NR5A2: variants seen among roughly 807,000 people sequenced by gnomAD.
The protein encoded by NR5A2 is CYP7A promoter-binding factor.
NR5A2 carries 26 observed loss-of-function variants against 62.7 expected under a neutral mutation model. The ratio of observed to expected loss-of-function variants is 0.41; its 90% confidence interval spans 0.30 to 0.58. The LOEUF (loss-of-function observed/expected upper bound fraction) is 0.58. Among genes scored for constraint, NR5A2 ranks in the 20% least tolerant of loss-of-function variants. NR5A2 has a pLI of 0.22. For missense variants in NR5A2, 541 were observed against 669.1 expected, an observed-to-expected ratio of 0.81 and a Z score of 2.11; for synonymous variants, 246 against 241.7, an observed-to-expected ratio of 1.02 and a Z score of -0.16.
chr1:200,072,069 A>C (rs912891538), intron 5 of NR5A2, among the ~76,000 whole-genome samples: 1 of 152,190 alleles, frequency 6.6e-6, no homozygotes, highest in Non-Finnish European at 1.5e-5. Context: ...TTCACAAGGA[A>C]TTGCTTATAA....
chr1:200,051,180 C>T lies in NR5A2; in HGVS notation c.1110+2362C>T, dbSNP rs1055526342. On this transcript the variant is annotated intron_variant, in intron 5 of 7. Coordinates refer to ENST00000367362, the MANE Select transcript of NR5A2 (RefSeq NM_205860.3). The stretch of plus-strand genomic sequence containing the variant: ...TTTCCTCTCAGAGTTTATAATAAGA[C>T]AGTTTCATAAATAATTATTTTAAAA... Among the ~76,000 whole-genome samples, 3 of 152,068 alleles carry T rather than the reference C, an allele frequency of 2.0e-5. No individual in the cohort carries two copies. In the East Asian group the frequency reaches 5.8e-4, roughly 29 times the overall value.
rs115282079 is a variant in NR5A2 at position 200,074,275 on chromosome 1, G to T, written c.1110+25457G>T. On this transcript the variant is annotated intron_variant, in intron 5 of 7. Transcript: ENST00000367362. ...GAGTGCAGTTATTTGAGAACTGATT[G>T]TAAGACTGTAGTTAAAAGTGGGAGA... 3.2e-3 allele frequency among the ~76,000 whole-genome samples: 493 copies of T among 151,984 alleles called. 2 individuals are homozygous for T. The highest frequency in any genetic ancestry group is 5.4e-3 in the Non-Finnish European group (368 of 67,956).
intron 6 of NR5A2, among the ~76,000 whole-genome samples, chr1:200,116,117 A>G (rs1393334194): frequency 6.6e-6 from 1 of 152,222 alleles, no homozygotes; most frequent in Non-Finnish European, 1.5e-5. Context: ...GGAATATTAA[A>G]TATGCCTCAG....
chr1:200,107,443 T>A (rs1665735740), intron 5 of NR5A2, among the ~76,000 whole-genome samples: 1 of 152,150 alleles, frequency 6.6e-6, no homozygotes, highest in Non-Finnish European at 1.5e-5. Context: ...GGAGATGCCG[T>A]GTTAGACACA....
chr1:200,052,861 T>A (rs10919801), intron 5 of NR5A2, among the ~76,000 whole-genome samples: 1 of 151,632 alleles, frequency 6.6e-6, no homozygotes, highest in Non-Finnish European at 1.5e-5. Context: ...AGGATGGTCT[T>A]GATCTCCTGA....
In NR5A2 at chr1:200,165,246, C is replaced by T. The variant is rs544144994; in HGVS notation, c.1379-8717C>T. ...GAGACTCCCCACATAACCCCTGCCC[C>T]GCTACTGTCAGCATTCCCCTACCAG... On this transcript the variant is annotated intron_variant, in intron 7 of 7. Coordinates refer to ENST00000367362, the MANE Select transcript of NR5A2 (RefSeq NM_205860.3). 6.6e-5 allele frequency among the ~76,000 whole-genome samples: 10 copies of T among 152,240 alleles called. No individual in the cohort carries two copies. The East Asian group carries it at 1.4e-3, about 21-fold the overall frequency.
chr1:200,034,209 A>G (rs964276676), intron 1 of NR5A2, among the ~76,000 whole-genome samples: 1 of 152,170 alleles, frequency 6.6e-6, no homozygotes, highest in Non-Finnish European at 1.5e-5. Flanking sequence ...GTGGCCTACT[A>G]GCGCCGGGAT....
intron 5 of NR5A2, among the ~76,000 whole-genome samples, chr1:200,074,882 T>C (rs1292090735): frequency 1.3e-5 from 2 of 151,542 alleles, no homozygotes; most frequent in South Asian, 2.1e-4. Flanking sequence ...ATAGACTGAA[T>C]GATTATTTTT....
intron 6 of NR5A2, among the ~76,000 whole-genome samples, chr1:200,113,160 C>T (rs1666040328): frequency 6.6e-6 from 1 of 152,184 alleles, no homozygotes; most frequent in Non-Finnish European, 1.5e-5. Flanking sequence ...GAATGAGGAA[C>T]TCCATGGTGG....
intron 5 of NR5A2, among the ~76,000 whole-genome samples, chr1:200,056,638 G>A (rs1662928077): frequency 6.6e-6 from 1 of 152,100 alleles, no homozygotes; most frequent in South Asian, 2.1e-4. Context: ...GAAACTTATG[G>A]TTTCAGCGTA....
At chr1:200,088,643 G>A (rs1479322394) in intron 5 of NR5A2, among the ~76,000 whole-genome samples, 1 of 152,124 alleles carries the variant, frequency 6.6e-6, no homozygotes, top group Non-Finnish European at 1.5e-5. Flanking sequence ...CCTGAAAATA[G>A]AACACCACAT....
At chr1:200,073,235 C>CATACATATATAT (rs1415530180) in intron 5 of NR5A2, among the ~76,000 whole-genome samples, 2 of 105,952 alleles carry the variant, frequency 1.9e-5, no homozygotes, top group African/African-American at 3.8e-5. Flanking sequence ...CATTTACATA[C>CATACATATATAT]ATATATATAT....
At chr1:200,159,639 AT>A (rs1653546300) in intron 7 of NR5A2, among the ~76,000 whole-genome samples, 2 of 131,756 alleles carry the variant, frequency 1.5e-5, no homozygotes, top group South Asian at 4.7e-4. Context: ...TTTTTAAATT[AT>A]TTATTATTAT....
chr1:200,083,623 G>GTA (rs998931290), intron 5 of NR5A2, among the ~76,000 whole-genome samples: 17 of 150,744 alleles, frequency 1.1e-4, no homozygotes, highest in African/African-American at 3.2e-4. Context: ...CACAGTTGAA[G>GTA]TATATATATA....
intron 5 of NR5A2, among the ~76,000 whole-genome samples, chr1:200,050,954 C>T (rs1662601314): frequency 6.6e-6 from 1 of 152,052 alleles, no homozygotes; most frequent in Admixed American, 6.6e-5. Flanking sequence ...TGTGCAGAAT[C>T]TACATAATTT....
chr1:200,080,590 G>A (rs1664249015), intron 5 of NR5A2, among the ~76,000 whole-genome samples: 1 of 152,098 alleles, frequency 6.6e-6, no homozygotes, highest in Non-Finnish European at 1.5e-5. Context: ...GCTCTTTTGT[G>A]TTCCATTACC....
chr1:200,038,733 T>C (rs1661899681), intron 1 of NR5A2: 2 of 1,366,202 alleles, frequency 1.5e-6, no homozygotes, highest in Non-Finnish European at 2.0e-6. Context: ...CTGCTTCTCC[T>C]TCGCCGCCAC....
chr1:200,042,664 G>A (rs1662160452), intron 2 of NR5A2, among the ~76,000 whole-genome samples: 1 of 152,230 alleles, frequency 6.6e-6, no homozygotes, highest in Non-Finnish European at 1.5e-5. Flanking sequence ...TCGCCGAAGA[G>A]TGCCCGGGGG....
intron 7 of NR5A2, among the ~76,000 whole-genome samples, chr1:200,136,469 T>A (rs1381269699): frequency 2.0e-5 from 3 of 152,240 alleles, no homozygotes; most frequent in African/African-American, 7.2e-5. Flanking sequence ...ACATTATACC[T>A]GTTGTTTCTA....
Sources: gnomAD v4.1 joint callset for allele counts (sites outside exome capture counted in the v4.1 genomes callset) on GRCh38, gnomAD v4.1.1 for gene constraint, MANE v1.5 for transcripts, NCBI Gene and HGNC (gene_info 2026-07-23, HGNC 2026-07-21) for gene names.